The following ADARB2 variants were observed in gnomAD, a reference collection of about 807,000 sequenced individuals.
ADARB2 encodes adenosine deaminase RNA specific B2 (inactive).
In ADARB2, 25 loss-of-function variants were observed where a neutral mutation model predicts 62.2. The ratio of observed to expected loss-of-function variants is 0.40; its 90% CI spans 0.29 to 0.56. The LOEUF (loss-of-function observed/expected upper bound fraction) is 0.56, where lower values mean the gene tolerates loss of function less well. Among genes scored for constraint, ADARB2 ranks in the 20% least tolerant of loss-of-function variants. The pLI, the probability that ADARB2 is intolerant of heterozygous loss-of-function variation, is 0.43. For synonymous variants in ADARB2, 572 were observed against 500.8 expected, an observed-to-expected ratio of 1.14 and a Z score of -1.90; for missense variants, 1,071 against 1,077.4, an observed-to-expected ratio of 0.99 and a Z score of 0.08.
chr10:1,585,660 G>A (rs1425486876), intron 1 of ADARB2, among the ~76,000 whole-genome samples: 1 of 152,192 alleles, frequency 6.6e-6, no homozygotes, highest in Non-Finnish European at 1.5e-5. Flanking sequence ...ACCTCAAGTT[G>A]TCCTACCTTT....
At chr10:1,547,844 T>G (rs1294930636) in intron 1 of ADARB2, among the ~76,000 whole-genome samples, 3 of 151,768 alleles carry the variant, frequency 2.0e-5, no homozygotes, top group Non-Finnish European at 4.4e-5. Context: ...AGATAGGCAT[T>G]GGTTTGTCAT....
chr10:1,496,868 A>G (rs1476995114), intron 1 of ADARB2, among the ~76,000 whole-genome samples: 1 of 152,208 alleles, frequency 6.6e-6, no homozygotes, highest in Non-Finnish European at 1.5e-5. Flanking sequence ...ACACTGGGCT[A>G]TGAACAATAG....
At chr10:1,402,912 A>G (rs754867844) in intron 1 of ADARB2, among the ~76,000 whole-genome samples, 8 of 152,192 alleles carry the variant, frequency 5.3e-5, no homozygotes, top group Non-Finnish European at 1.2e-4. Flanking sequence ...GGACCTTCCA[A>G]GTGGAACTGG....
chr10:1,363,592 G>A lies in ADARB2; in HGVS notation c.513C>T (p.Gly171=), dbSNP rs1307666439. The A allele has an allele frequency of 6.3e-7, 1 of 1,599,030 alleles. No homozygotes were observed. Among genetic ancestry groups the A allele is most frequent in the East Asian group, 2.3e-5 (1 of 43,708 alleles). Residue 171 remains glycine, a synonymous_variant, in exon 3 of 10, where the codon GGC becomes GGT. Transcript: ENST00000381312. ...GCATCTTGGCCTTCTTCTTGGTGGG[G>A]CCTGTGCCCTCGAACGTGAGCCCGT... ...EVNGLTFEGT[G]PTKKKAKMRA...
intron 1 of ADARB2, among the ~76,000 whole-genome samples, chr10:1,428,966 G>T (rs1830750326): frequency 6.6e-6 from 1 of 151,694 alleles, no homozygotes; most frequent in Non-Finnish European, 1.5e-5. Context: ...TCTATATTCT[G>T]GTCTGAATCA....
rs1230308594 is a variant in ADARB2, at chr10:1,363,013, C to CGCCGCGCCCCTCACCT, written c.1076_1077+14dup. On this transcript the variant is annotated intron_variant, in intron 3 of 9. Transcript: ENST00000381312. The stretch of plus-strand genomic sequence containing the variant: ...CAGCGCCGCCCGTTCCCCCTGCACC[C>CGCCGCGCCCCTCACCT]GCCGCGCCCCTCACCTGCGGCATTG... 6.0e-6 allele frequency: 8 copies of CGCCGCGCCCCTCACCT among 1,335,412 alleles called. No homozygotes were observed. Among genetic ancestry groups the CGCCGCGCCCCTCACCT allele is most frequent in the Non-Finnish European group, 5.8e-6 (6 of 1,040,380 alleles). The allele number at this position is 1,335,412 out of a possible 1,614,324, so 82.7% of individuals were successfully genotyped here.
chr10:1,393,230 T>C (rs1036213196), intron 1 of ADARB2, among the ~76,000 whole-genome samples: 4 of 152,206 alleles, frequency 2.6e-5, no homozygotes, highest in African/African-American at 9.6e-5. Flanking sequence ...AGTTTTAATT[T>C]TTGTGGGTAC....
At chr10:1,400,937 C>T (rs1021895595) in intron 1 of ADARB2, among the ~76,000 whole-genome samples, 2 of 152,130 alleles carry the variant, frequency 1.3e-5, no homozygotes, top group African/African-American at 4.8e-5. Context: ...GGGCCGGGAA[C>T]GACCTCAAGG....
At chr10:1,462,935 A>G (rs982590755) in intron 1 of ADARB2, among the ~76,000 whole-genome samples, 3 of 147,842 alleles carry the variant, frequency 2.0e-5, no homozygotes, top group Admixed American at 6.7e-5. Context: ...GATAAATAGA[A>G]ATGTTATTTA....
chr10:1,291,845 G>A (rs1321566853), intron 3 of ADARB2: 1 of 152,474 alleles, frequency 6.6e-6, no homozygotes, highest in African/African-American at 2.4e-5. Context: ...AGCCAGGAGA[G>A]GAGAAGGAGC....
At position 1,211,551 on chromosome 10, in the gene ADARB2, C is replaced by T. The variant is rs541964527; in HGVS notation, c.1682+5400G>A. 2.6e-5 allele frequency among the ~76,000 whole-genome samples: 4 copies of T among 152,322 alleles called. No homozygotes were observed. The South Asian group carries it at 6.2e-4, about 24-fold the overall frequency. Reference sequence around the variant, plus strand: ...AAGGAGGGTGAGGGCCTCCCGGGTTCAGACAGTGGACTCCCAGCAGCCTCA... The same window carrying T: ...AAGGAGGGTGAGGGCCTCCCGGGTTTAGACAGTGGACTCCCAGCAGCCTCA... On this transcript the variant is annotated intron_variant, in intron 7 of 9. Coordinates refer to ENST00000381312, the MANE Select transcript of ADARB2 (RefSeq NM_018702.4).
rs1358818873 is a variant in ADARB2 at position 1,708,195 on chromosome 10, T to C, written c.100+28856A>G. On this transcript the variant is annotated intron_variant, in intron 1 of 9. Coordinates refer to ENST00000381312, the MANE Select transcript of ADARB2 (RefSeq NM_018702.4). Reference sequence around the variant, plus strand: ...GAGATTCTAGTTTAACTCGTATCTTTTGATGCCTGTTCAAAGTGGAAGATT... The same window carrying C: ...GAGATTCTAGTTTAACTCGTATCTTCTGATGCCTGTTCAAAGTGGAAGATT... Among the ~76,000 whole-genome samples, 3 of 152,136 alleles carry C rather than the reference T, an allele frequency of 2.0e-5. No individual in the cohort carries two copies. In the East Asian group the frequency reaches 5.8e-4, roughly 29 times the overall value.
At chr10:1,730,737 T>C (rs1645630457) in intron 1 of ADARB2, among the ~76,000 whole-genome samples, 1 of 152,172 alleles carries the variant, frequency 6.6e-6, no homozygotes, top group Non-Finnish European at 1.5e-5. Context: ...TTAATATAAA[T>C]ATGGAATTTA....
rs78806787 is a variant in ADARB2 at position 1,655,474 on chromosome 10, C to T, written c.100+81577G>A. Among the ~76,000 whole-genome samples the T allele has an allele frequency of 8.7e-3, 1,326 of 152,312 alleles. 15 individuals carry two copies. Among genetic ancestry groups the T allele is most frequent in the East Asian group, 0.045 (232 of 5,182 alleles). Reference sequence around the variant, plus strand: ...CAGAGGTAAAAACTGCAACGCACACCTAATTATACCTAATTTGCTATTGAT... The same window carrying T: ...CAGAGGTAAAAACTGCAACGCACACTTAATTATACCTAATTTGCTATTGAT... On this transcript the variant is annotated intron_variant, in intron 1 of 9. Coordinates refer to ENST00000381312, the MANE Select transcript of ADARB2 (RefSeq NM_018702.4).
chr10:1,202,988 T>C (rs4880787), intron 7 of ADARB2, among the ~76,000 whole-genome samples: 140,045 of 152,216 alleles, frequency 0.92, 65,567 homozygotes, highest in East Asian at 1. Flanking sequence ...CAACCTTCTC[T>C]TTGCCTGGCT....
At chr10:1,364,584 T>A (rs1832296477) in intron 2 of ADARB2, among the ~76,000 whole-genome samples, 1 of 152,218 alleles carries the variant, frequency 6.6e-6, no homozygotes, top group Non-Finnish European at 1.5e-5. Context: ...GAGAAAGTAT[T>A]CGGGAAAAAA....
chr10:1,622,977 G>A (rs1488402277), intron 1 of ADARB2, among the ~76,000 whole-genome samples: 2 of 152,164 alleles, frequency 1.3e-5, no homozygotes, highest in Non-Finnish European at 2.9e-5. Flanking sequence ...CCAAACCTTA[G>A]AATAGCATTC....
At chr10:1,206,109 C>G (rs1837058456) in intron 7 of ADARB2, among the ~76,000 whole-genome samples, 1 of 152,264 alleles carries the variant, frequency 6.6e-6, no homozygotes, top group South Asian at 2.1e-4. Context: ...TCTCATTTCT[C>G]TTCTGAAAAA....
At chr10:1,603,673 T>A (rs1298214276) in intron 1 of ADARB2, among the ~76,000 whole-genome samples, 1 of 149,914 alleles carries the variant, frequency 6.7e-6, no homozygotes, top group Non-Finnish European at 1.5e-5. Context: ...CACAGTCACA[T>A]ACAATTTTAG....
Sources: allele counts gnomAD v4.1 joint callset (sites outside exome capture counted in the v4.1 genomes callset), GRCh38; gene constraint gnomAD v4.1.1; transcripts MANE v1.5; gene names NCBI Gene and HGNC (gene_info 2026-07-23, HGNC 2026-07-21).